CA10: variants seen among roughly 807,000 people sequenced by gnomAD.
CA10 encodes carbonic anhydrase 10 (inactive), also known as carbonic anhydrase-related protein 10.
In CA10, 14 loss-of-function variants were observed where a neutral mutation model predicts 44.2. That is an observed-to-expected ratio of 0.32 (90% CI 0.21 to 0.50). CA10 has a LOEUF of 0.50. CA10 is among the 20% of genes least tolerant of loss of function. The pLI, the probability that CA10 is intolerant of heterozygous loss-of-function variation, is 0.99. For synonymous variants in CA10, 159 were observed against 141.6 expected (o/e 1.12, Z -0.87); for missense variants, 350 against 409.7 (o/e 0.85, Z 1.26).
At chr17:51,744,654 T>C (rs1213873136) in intron 4 of CA10, among the ~76,000 whole-genome samples, 1 of 152,098 alleles carries the variant, frequency 6.6e-6, no homozygotes, top group Non-Finnish European at 1.5e-5. Context: ...TCCAGTAATA[T>C]GAAGTCACAA....
intron 2 of CA10, among the ~76,000 whole-genome samples, chr17:51,935,903 G>A (rs1982845731): frequency 6.6e-6 from 1 of 152,140 alleles, no homozygotes; most frequent in Non-Finnish European, 1.5e-5. Context: ...AGTCCGATAA[G>A]GAGAGTTAAA....
chr17:51,922,124 A>G (rs1180241047), intron 3 of CA10, among the ~76,000 whole-genome samples: 1 of 152,152 alleles, frequency 6.6e-6, no homozygotes, highest in Non-Finnish European at 1.5e-5. Flanking sequence ...TTACCTGCCT[A>G]CTAAGTGCAT....
intron 3 of CA10, among the ~76,000 whole-genome samples, chr17:51,766,853 G>A (rs898338507): frequency 1.3e-5 from 2 of 152,192 alleles, no homozygotes; most frequent in Admixed American, 6.5e-5. Flanking sequence ...TAATTAGGAA[G>A]TGTTTACTTA....
chr17:51,854,396 G>A (rs892303251), intron 3 of CA10, among the ~76,000 whole-genome samples: 17 of 152,188 alleles, frequency 1.1e-4, no homozygotes, highest in African/African-American at 4.1e-4. Context: ...TATTTCTCCA[G>A]GGAAGAGTGA....
chr17:52,010,845 C>T (rs1376054125), intron 2 of CA10, among the ~76,000 whole-genome samples: 1 of 151,814 alleles, frequency 6.6e-6, no homozygotes, highest in Non-Finnish European at 1.5e-5. Context: ...GTAATCCAAT[C>T]AAAAACTTAA....
At chr17:52,050,895 C>A (rs1317174283) in intron 2 of CA10, among the ~76,000 whole-genome samples, 1 of 151,716 alleles carries the variant, frequency 6.6e-6, no homozygotes, top group Admixed American at 6.6e-5. Context: ...GCTGAGAGGA[C>A]AAGACCATAT....
chr17:51,963,373 A>C (rs937064029), intron 2 of CA10, among the ~76,000 whole-genome samples: 3 of 152,172 alleles, frequency 2.0e-5, no homozygotes, highest in African/African-American at 7.2e-5. Context: ...AACGTCCCTA[A>C]TCTTGCTAGA....
intron 3 of CA10, among the ~76,000 whole-genome samples, chr17:51,851,527 G>A (rs1462818239): frequency 6.6e-6 from 1 of 152,208 alleles, no homozygotes; most frequent in Non-Finnish European, 1.5e-5. Context: ...TGGAAGGCAT[G>A]TAGCAGGTGA....
At chr17:51,979,605 A>G (rs1366872409) in intron 2 of CA10, among the ~76,000 whole-genome samples, 1 of 152,158 alleles carries the variant, frequency 6.6e-6, no homozygotes, top group African/African-American at 2.4e-5. Context: ...CCTGCATTTC[A>G]TAAGAATGAA....
chr17:52,126,566 C>T lies in CA10; in HGVS notation c.61+31160G>A, dbSNP rs77242635. On this transcript the variant is annotated intron_variant, in intron 1 of 8. Coordinates refer to ENST00000451037, the MANE Select transcript of CA10 (RefSeq NM_020178.5). ...CTAGGATTATTATTTTTTTCTTACA[C>T]TATTGAGATAATGGTAATTTTCCTG... is the stretch of plus-strand genomic sequence containing the variant. Among the ~76,000 whole-genome samples, 353 of 152,264 alleles carry T rather than the reference C, an allele frequency of 2.3e-3. 1 individual carries two copies. The highest frequency in any genetic ancestry group is 8.0e-3 in the African/African-American group (332 of 41,542).
chr17:51,734,327 C>T (rs1003721148), intron 4 of CA10, among the ~76,000 whole-genome samples: 1 of 152,074 alleles, frequency 6.6e-6, no homozygotes, highest in African/African-American at 2.4e-5. Context: ...CCTCTTGGTG[C>T]TGGAAGAGCT....
At chr17:51,950,077 T>C (rs1228046265) in intron 2 of CA10, among the ~76,000 whole-genome samples, 6 of 152,184 alleles carry the variant, frequency 3.9e-5, no homozygotes, top group Admixed American at 2.6e-4. Flanking sequence ...TCTCATTCAG[T>C]TGTAGTCACA....
At chr17:52,021,484 T>C (rs1986137953) in intron 2 of CA10, among the ~76,000 whole-genome samples, 1 of 152,092 alleles carries the variant, frequency 6.6e-6, no homozygotes, top group African/African-American at 2.4e-5. Context: ...TATTTTTCTT[T>C]TTTTAATAGC....
chr17:51,653,124 C>CA (rs1450053134), intron 5 of CA10, among the ~76,000 whole-genome samples: 2 of 152,008 alleles, frequency 1.3e-5, no homozygotes, highest in East Asian at 3.9e-4. Flanking sequence ...ATCTTATTAC[C>CA]AGGGAGGCTT....
In CA10 at chr17:52,095,418, T is replaced by A. The variant is rs560794524; in HGVS notation, c.62-23025A>T. On this transcript the variant is annotated intron_variant, in intron 1 of 8. Transcript: ENST00000451037. The stretch of plus-strand genomic sequence containing the variant: ...GTGTGATAGTTATGTAGTATATACA[T>A]GTGTAAAATTAATTCATCTGTACAA... Among the ~76,000 whole-genome samples, 5 of 152,222 alleles carry A rather than the reference T, an allele frequency of 3.3e-5. No individual in the cohort carries two copies. In the South Asian group the frequency reaches 1.0e-3, roughly 32 times the overall value.
chr17:51,806,722 G>A (rs149003751), intron 3 of CA10, among the ~76,000 whole-genome samples: 86 of 152,288 alleles, frequency 5.6e-4, no homozygotes, highest in African/African-American at 2.0e-3. Flanking sequence ...AATAGGCAAT[G>A]CATAATTTCA....
intron 4 of CA10, among the ~76,000 whole-genome samples, chr17:51,717,677 GTATATATGTATA>G (rs1916174246): frequency 2.4e-5 from 1 of 42,036 alleles, no homozygotes; most frequent in Non-Finnish European, 4.7e-5. Flanking sequence ...ATGTATATAT[GTATATATGTATA>G]CATATATGCA....
chr17:52,032,803 T>C (rs1986506934), intron 2 of CA10, among the ~76,000 whole-genome samples: 1 of 152,104 alleles, frequency 6.6e-6, no homozygotes, highest in African/African-American at 2.4e-5. Context: ...TGGGCCAACA[T>C]GGGATGTCAA....
chr17:51,854,178 C>A (rs1397596843), intron 3 of CA10, among the ~76,000 whole-genome samples: 1 of 152,134 alleles, frequency 6.6e-6, no homozygotes, highest in Non-Finnish European at 1.5e-5. Flanking sequence ...TCTTTCTCCA[C>A]CTTCCTCACG....
Sources: allele counts gnomAD v4.1 joint callset (sites outside exome capture counted in the v4.1 genomes callset), GRCh38; gene constraint gnomAD v4.1.1; transcripts MANE v1.5; gene names NCBI Gene and HGNC (gene_info 2026-07-23, HGNC 2026-07-21).